PTCHD4: variants seen among roughly 807,000 people sequenced by gnomAD.
PTCHD4 encodes patched domain-containing protein 4.
In PTCHD4, 33 loss-of-function variants were observed where a neutral mutation model predicts 58.1. That is an observed-to-expected ratio of 0.57 (90% CI 0.43 to 0.76). PTCHD4 has a LOEUF of 0.76. Ranked by LOEUF, PTCHD4 falls within the 30% of genes least tolerant of loss-of-function variation. The pLI, the probability that PTCHD4 is intolerant of heterozygous loss-of-function variation, is 0.00. For missense variants in PTCHD4, 1,058 were observed against 1,027.1 expected (o/e 1.03, Z -0.41); for synonymous variants, 478 against 409.6 (o/e 1.17, Z -2.02).
chr6:47,958,653 A>G (rs1169971228), intron 4 of PTCHD4, among the ~76,000 whole-genome samples: 1 of 152,282 alleles, frequency 6.6e-6, no homozygotes. Flanking sequence ...AGGAGCAAGA[A>G]CTCTGCAGAT....
At chr6:47,902,416 C>T (rs914939148) in intron 4 of PTCHD4, among the ~76,000 whole-genome samples, 2 of 152,064 alleles carry the variant, frequency 1.3e-5, no homozygotes, top group South Asian at 2.1e-4. Context: ...TATCTGTTGT[C>T]CCTACCCACT....
At chr6:47,908,420 C>A (rs1360380603) in intron 4 of PTCHD4, among the ~76,000 whole-genome samples, 1 of 152,154 alleles carries the variant, frequency 6.6e-6, no homozygotes, top group Non-Finnish European at 1.5e-5. Flanking sequence ...CCACCTCAAG[C>A]ATCACATGCA....
chr6:48,068,422 G>C lies in PTCHD4; in HGVS notation c.225C>G (p.His75Gln), dbSNP rs572342016. 6.2e-7 allele frequency: 1 copy of C among 1,613,980 alleles called. No individual in the cohort carries two copies. Among genetic ancestry groups the C allele is most frequent in the East Asian group, 2.2e-5 (1 of 44,846 alleles). The part of the protein sequence containing the change: ...GDLERLVAPS[H>Q]SLAKIERSLA... Reference sequence around the variant, plus strand: ...GGCTGCGCTCGATCTTGGCCAGGCTGTGGCTGGGAGCGACCAGGCGCTCCA... The same window carrying C: ...GGCTGCGCTCGATCTTGGCCAGGCTCTGGCTGGGAGCGACCAGGCGCTCCA... Residue 75 changes from histidine (H) to glutamine (Q), a missense_variant, in exon 3 of 5, where the codon CAC becomes CAG. Coordinates refer to ENST00000339488, the MANE Select transcript of PTCHD4 (RefSeq NM_001384253.1). The surrounding 1 kb of genome is among the most constrained non-coding windows in gnomAD (Gnocchi z 4.2).
intron 1 of PTCHD4, among the ~76,000 whole-genome samples, chr6:48,106,232 A>C (rs1231723803): frequency 6.6e-6 from 1 of 152,178 alleles, no homozygotes. Context: ...ATCCAGCAAC[A>C]CATCAAAAAG....
At chr6:47,915,335 C>T (rs1263848621) in intron 4 of PTCHD4, among the ~76,000 whole-genome samples, 1 of 152,020 alleles carries the variant, frequency 6.6e-6, no homozygotes, top group Non-Finnish European at 1.5e-5. Context: ...GTAATATTAA[C>T]CATTATTGAG....
At chr6:48,005,714 A>G (rs1762408634) in intron 4 of PTCHD4, among the ~76,000 whole-genome samples, 1 of 152,224 alleles carries the variant, frequency 6.6e-6, no homozygotes, top group African/African-American at 2.4e-5. Flanking sequence ...AGGAGACTAT[A>G]GATTAGAGAT....
At chr6:48,072,785 A>G (rs1291645227) in intron 1 of PTCHD4, among the ~76,000 whole-genome samples, 2 of 152,172 alleles carry the variant, frequency 1.3e-5, no homozygotes, top group African/African-American at 2.4e-5. Context: ...CTATTGCTAC[A>G]TAGATTATTG....
chr6:47,886,754 T>A lies in PTCHD4; in HGVS notation c.899-6818A>T, dbSNP rs1278184672. ...AAGTTATTGTTCACTTCTTTGGCAT[T>A]ATGTGGGATCATTTATCCATTGTTC... On this transcript the variant is annotated intron_variant, in intron 4 of 4. Coordinates refer to ENST00000339488, the MANE Select transcript of PTCHD4 (RefSeq NM_001384253.1). 2.0e-5 allele frequency among the ~76,000 whole-genome samples: 3 copies of A among 152,232 alleles called. No homozygotes were observed. In the South Asian group the frequency reaches 6.2e-4, roughly 31 times the overall value.
chr6:48,005,768 T>C (rs939579996), intron 4 of PTCHD4, among the ~76,000 whole-genome samples: 13 of 152,196 alleles, frequency 8.5e-5, no homozygotes, highest in Non-Finnish European at 1.8e-4. Flanking sequence ...AAGGATTAAA[T>C]ACTAACTTCA....
At chr6:48,034,736 A>T (rs937866317) in intron 3 of PTCHD4, among the ~76,000 whole-genome samples, 4 of 152,132 alleles carry the variant, frequency 2.6e-5, no homozygotes, top group Non-Finnish European at 2.9e-5. Flanking sequence ...TACCACAAGC[A>T]CCATATTTTA....
chr6:47,890,269 G>A (rs1409155992), intron 4 of PTCHD4, among the ~76,000 whole-genome samples: 1 of 151,778 alleles, frequency 6.6e-6, no homozygotes, highest in Non-Finnish European at 1.5e-5. Flanking sequence ...CAATAGAGAT[G>A]GGAGATGGGG....
At chr6:47,992,979 T>C (rs1460649732) in intron 4 of PTCHD4, among the ~76,000 whole-genome samples, 2 of 152,142 alleles carry the variant, frequency 1.3e-5, no homozygotes, top group Non-Finnish European at 2.9e-5. Flanking sequence ...AGGGTGAGTG[T>C]GGACAGCAAA....
At chr6:48,065,973 A>G (rs1233643372) in intron 3 of PTCHD4, among the ~76,000 whole-genome samples, 1 of 152,140 alleles carries the variant, frequency 6.6e-6, no homozygotes, top group Non-Finnish European at 1.5e-5. Flanking sequence ...TATATCAACC[A>G]CCAAACAGCA....
In PTCHD4 at chr6:48,069,616, TTCC is replaced by T. The variant is rs1177011874; in HGVS notation, c.-662_-660del. ...CGTTGGGACCGTCTGGATAGCTTCT[TTCC>T]TCTGATGGCTGGAGAGGAGGCATTT... On this transcript the variant is annotated 5_prime_UTR_variant, in exon 2 of 5. Coordinates refer to ENST00000339488, the MANE Select transcript of PTCHD4 (RefSeq NM_001384253.1). Among the ~76,000 whole-genome samples the T allele has an allele frequency of 6.6e-6, 1 of 152,190 alleles. No individual in the cohort carries two copies. The highest frequency in any genetic ancestry group is 1.5e-5 in the Non-Finnish European group (1 of 68,022).
Position 47,856,964 on chromosome 6 carries a change from G to A in PTCHD4, c.*21339C>T, listed in dbSNP as rs1369523070. On this transcript the variant is annotated 3_prime_UTR_variant, in exon 5 of 5. Coordinates refer to ENST00000339488, the MANE Select transcript of PTCHD4 (RefSeq NM_001384253.1). ...ATTTAAATAATGATATTAATAATTG[G>A]TAATGAATCAAAACTGCCAAAAGCT... Among the ~76,000 whole-genome samples the A allele has an allele frequency of 2.0e-5, 3 of 151,974 alleles. No individual in the cohort carries two copies. Among genetic ancestry groups the A allele is most frequent in the South Asian group, 2.1e-4 (1 of 4,830 alleles).
At chr6:47,900,316 T>C (rs961269854) in intron 4 of PTCHD4, 15 of 152,240 alleles carry the variant, frequency 9.9e-5, no homozygotes, top group Non-Finnish European at 2.1e-4. Flanking sequence ...ATTTTAGTCA[T>C]CCTAATGGAT....
At chr6:48,004,234 GA>G (rs1562001147) in intron 4 of PTCHD4, among the ~76,000 whole-genome samples, 1 of 152,138 alleles carries the variant, frequency 6.6e-6, no homozygotes, top group African/African-American at 2.4e-5. Flanking sequence ...AAAAATGAGT[GA>G]AAATCTGTAT....
intron 3 of PTCHD4, among the ~76,000 whole-genome samples, chr6:48,015,748 G>T (rs541347969): frequency 1.1e-4 from 16 of 151,738 alleles, no homozygotes; most frequent in African/African-American, 3.6e-4. Context: ...GCTCCTTTTT[G>T]TGTCCTCTGC....
At chr6:47,930,996 G>C (rs1765798182) in intron 4 of PTCHD4, among the ~76,000 whole-genome samples, 1 of 152,174 alleles carries the variant, frequency 6.6e-6, no homozygotes, top group Admixed American at 6.5e-5. Context: ...TGTTGGCTAA[G>C]CTGGTCTTGA....
Sources: gnomAD v4.1 joint callset for allele counts (sites outside exome capture counted in the v4.1 genomes callset) on GRCh38, gnomAD v4.1.1 for gene constraint, Gnocchi (gnomAD v3.1) non-coding constraint, MANE v1.5 for transcripts, NCBI Gene and HGNC (gene_info 2026-07-23, HGNC 2026-07-21) for gene names.